RPAP2: variants seen among roughly 807,000 people sequenced by gnomAD.
RPAP2 encodes RNA polymerase II associated protein 2, also known as putative RNA polymerase II subunit B1 CTD phosphatase RPAP2.
In RPAP2, 52 loss-of-function variants were observed where a neutral mutation model predicts 73.1. The ratio of observed to expected loss-of-function variants is 0.71; its 90% CI spans 0.57 to 0.90. The LOEUF is 0.90. RPAP2 is among the 40% of genes least tolerant of loss of function. The pLI, the probability that RPAP2 is intolerant of heterozygous loss-of-function variation, is 0.00. For missense variants in RPAP2, 598 were observed against 701.8 expected (o/e 0.85, Z 1.67); for synonymous variants, 225 against 242.1 (o/e 0.93, Z 0.65).
chr1:92,343,845 T>C (rs189147966), intron 10 of RPAP2, among the ~76,000 whole-genome samples: 1 of 152,260 alleles, frequency 6.6e-6, no homozygotes, highest in Admixed American at 6.5e-5. Flanking sequence ...AGTTGTACTT[T>C]TTAATACTGT....
chr1:92,341,166 G>A (rs1438074453), intron 10 of RPAP2, among the ~76,000 whole-genome samples: 1 of 151,824 alleles, frequency 6.6e-6, no homozygotes, highest in East Asian at 1.9e-4. Flanking sequence ...ACACCAGCAT[G>A]CCCCGCCAAT....
At chr1:92,310,635 C>T (rs555013942) in intron 6 of RPAP2, among the ~76,000 whole-genome samples, 7 of 152,162 alleles carry the variant, frequency 4.6e-5, no homozygotes, top group African/African-American at 9.6e-5. Flanking sequence ...TGGTGACTCA[C>T]GCCCGTAATC....
At chr1:92,326,445 C>A (rs1440815495) in intron 8 of RPAP2, among the ~76,000 whole-genome samples, 1 of 152,046 alleles carries the variant, frequency 6.6e-6, no homozygotes, top group Non-Finnish European at 1.5e-5. Flanking sequence ...AGCCTCCTGC[C>A]AGAAGGTGGC....
In RPAP2 at chr1:92,376,734, G is replaced by A. The variant is rs934292901; in HGVS notation, c.1689-3990G>A. Among the ~76,000 whole-genome samples, 9 of 152,140 alleles carry A rather than the reference G, an allele frequency of 5.9e-5. No homozygotes were observed. In the East Asian group the frequency reaches 9.6e-4, roughly 16 times the overall value. ...TGTATGTTCATTGAGGGATCAGTAC[G>A]TATGAGTCAGGCAAGTAACAATTAA... On this transcript the variant is annotated intron_variant, in intron 11 of 12. Coordinates refer to ENST00000610020, the MANE Select transcript of RPAP2 (RefSeq NM_024813.3).
chr1:92,395,415 C>T lies in RPAP2; in HGVS notation c.*8404C>T, dbSNP rs1454152196. 6.6e-6 allele frequency: 1 copy of T among 151,868 alleles called. No homozygotes were observed. Among genetic ancestry groups the T allele is most frequent in the African/African-American group, 2.4e-5 (1 of 41,344 alleles). 9.4% of individuals were successfully genotyped at this position (151,868 alleles called of 1,614,324 possible). A position where few individuals can be genotyped will look rare whatever the true frequency, so the allele number is the denominator to read the frequency against. On this transcript the variant is annotated 3_prime_UTR_variant, in exon 13 of 13. Coordinates refer to ENST00000610020, the MANE Select transcript of RPAP2 (RefSeq NM_024813.3). ...CTTTCGGAAGCCAAGGAGGGTGGAC[C>T]ACTTGAGCTCAGGAATTTGAGACCA...
intron 11 of RPAP2, among the ~76,000 whole-genome samples, chr1:92,363,556 G>A (rs4949888): frequency 0.26 from 39,309 of 151,984 alleles, 6,518 homozygotes; most frequent in Non-Finnish European, 0.35. Flanking sequence ...CAGAAGTTAC[G>A]GTTGTATAAA....
chr1:92,312,564 G>C (rs1035375334), intron 6 of RPAP2, among the ~76,000 whole-genome samples: 6 of 152,144 alleles, frequency 3.9e-5, no homozygotes, highest in African/African-American at 1.4e-4. Context: ...CAAGAAACCA[G>C]TTTCTTTGCC....
rs774215064 is a variant in RPAP2, at chr1:92,301,562, ATAT to A, written c.209_211del (p.Ile70del). 9.0e-5 allele frequency: 140 copies of A among 1,547,152 alleles called. No individual in the cohort carries two copies. The African/African-American group carries it at 1.9e-3, about 21-fold the overall frequency. On this transcript the variant is annotated inframe_deletion, in exon 3 of 13. Transcript: ENST00000610020. Reference sequence around the variant, plus strand: ...ATTGTTGAACAGCTTTTAGAGGAGAATATTACAGAAGAGTTCCTAATGGAGTGT... The same window carrying A: ...ATTGTTGAACAGCTTTTAGAGGAGAATACAGAAGAGTTCCTAATGGAGTGT...
chr1:92,333,538 A>G, intron 9 of RPAP2, 65 bp downstream of exon 9: 1 of 1,075,652 alleles, frequency 9.3e-7, no homozygotes, highest in Non-Finnish European at 1.4e-6. Context: ...TTAAGCTCAT[A>G]ATGTGTAAGT....
intron 7 of RPAP2, among the ~76,000 whole-genome samples, chr1:92,321,940 C>CT (rs1652291669): frequency 8.2e-6 from 1 of 122,556 alleles, no homozygotes; most frequent in African/African-American, 3.0e-5. Flanking sequence ...ATGAAATTTT[C>CT]TTTCTTTTTT....
chr1:92,306,383 A>G (rs969430740), intron 5 of RPAP2, among the ~76,000 whole-genome samples: 1 of 152,230 alleles, frequency 6.6e-6, no homozygotes, highest in African/African-American at 2.4e-5. Context: ...ATATTTTACC[A>G]CAATTGTGAA....
At chr1:92,325,195 C>T (rs12120864) in intron 8 of RPAP2, among the ~76,000 whole-genome samples, 2,295 of 152,176 alleles carry the variant, frequency 0.015, 33 homozygotes, top group Non-Finnish European at 0.025. Context: ...AGTCATTTAA[C>T]ATGAAGAGGA....
chr1:92,332,401 G>A (rs1480634247), intron 8 of RPAP2, among the ~76,000 whole-genome samples: 2 of 151,864 alleles, frequency 1.3e-5, no homozygotes, highest in Non-Finnish European at 2.9e-5. Context: ...TTTAAATAAT[G>A]CTGATAACTT....
intron 11 of RPAP2, among the ~76,000 whole-genome samples, chr1:92,352,979 G>A (rs1043121046): frequency 2.0e-5 from 3 of 152,072 alleles, no homozygotes; most frequent in Admixed American, 6.6e-5. Context: ...CTTCTTTCAC[G>A]TAACATGTTT....
chr1:92,374,079 G>T (rs1266548844), intron 11 of RPAP2, among the ~76,000 whole-genome samples: 1 of 152,126 alleles, frequency 6.6e-6, no homozygotes, highest in Non-Finnish European at 1.5e-5. Flanking sequence ...TAAATAAATG[G>T]TTATGGCTGT....
At chr1:92,313,251 A>G (rs539718519) in intron 6 of RPAP2, among the ~76,000 whole-genome samples, 1 of 152,114 alleles carries the variant, frequency 6.6e-6, no homozygotes, top group South Asian at 2.1e-4. Flanking sequence ...CAGAGGAATC[A>G]CTCTATGGCA....
chr1:92,312,964 C>G (rs1651686937), intron 6 of RPAP2, among the ~76,000 whole-genome samples: 1 of 152,154 alleles, frequency 6.6e-6, no homozygotes, highest in Non-Finnish European at 1.5e-5. Flanking sequence ...CTCCCAGGCT[C>G]AAGCGATTCT....
intron 12 of RPAP2, among the ~76,000 whole-genome samples, chr1:92,384,484 C>T (rs527592700): frequency 7.7e-4 from 116 of 151,502 alleles, no homozygotes; most frequent in Non-Finnish European, 1.4e-3. Context: ...ATTAGCTGGG[C>T]GTGGTGGCAA....
chr1:92,374,584 A>G (rs762612893), intron 11 of RPAP2, among the ~76,000 whole-genome samples: 5 of 152,192 alleles, frequency 3.3e-5, no homozygotes, highest in African/African-American at 1.2e-4. Flanking sequence ...TCCTAAAAAG[A>G]ATCCCAATAG....
Sources: gnomAD v4.1 joint callset for allele counts (sites outside exome capture counted in the v4.1 genomes callset) on GRCh38, gnomAD v4.1.1 for gene constraint, MANE v1.5 for transcripts, NCBI Gene and HGNC (gene_info 2026-07-23, HGNC 2026-07-21) for gene names.